Variants in LRRC7 observed in about 807,000 individuals in gnomAD.
LRRC7 encodes leucine rich repeat containing 7, also known as leucine-rich repeat-containing protein 7.
A neutral mutation model predicts 175.7 loss-of-function variants in LRRC7; 23 were observed. The ratio of observed to expected loss-of-function variants is 0.13; its 90% CI spans 0.09 to 0.19. The LOEUF (loss-of-function observed/expected upper bound fraction) is 0.19, where lower values mean the gene tolerates loss of function less well. Ranked by LOEUF, LRRC7 falls within the 10% of genes least tolerant of loss-of-function variation. The pLI is 1.00. For missense variants in LRRC7, 1,354 were observed against 1,904.7 expected (o/e 0.71, Z 5.38); for synonymous variants, 685 against 680.9 (o/e 1.01, Z -0.09).
chr1:69,630,687 A>T (rs17324599), intron 1 of LRRC7, among the ~76,000 whole-genome samples: 19,494 of 151,900 alleles, frequency 0.13, 1,599 homozygotes, highest in South Asian at 0.19. Context: ...TTTCTATTAG[A>T]TGCCTATTTT....
chr1:69,756,519 G>A (rs559988021), intron 2 of LRRC7, among the ~76,000 whole-genome samples: 66 of 151,788 alleles, frequency 4.3e-4, no homozygotes, highest in Non-Finnish European at 7.8e-4. Context: ...CTTTCCGGTG[G>A]AGAAAAATGT....
In LRRC7 at chr1:70,143,070, TTC is replaced by T. The variant is rs568045423; in HGVS notation, c.*21185_*21186del. The T allele has an allele frequency of 2.6e-4, 39 of 152,218 alleles. No homozygotes were observed. The highest frequency in any genetic ancestry group is 6.5e-4 in the Admixed American group (10 of 15,286). The allele number at this position is 152,218 out of a possible 1,614,324, so 9.4% of individuals were successfully genotyped here. On this transcript the variant is annotated 3_prime_UTR_variant, in exon 27 of 27. Transcript: ENST00000651989. Reference sequence around the variant, plus strand: ...TATGCCAAACACACACACATAAATTTTCTTTTTCTCATTTCAGCTCATATAAT... The same window carrying T: ...TATGCCAAACACACACACATAAATTTTTTTTCTCATTTCAGCTCATATAAT...
intron 1 of LRRC7, among the ~76,000 whole-genome samples, chr1:69,645,256 TC>T (rs1654843502): frequency 6.6e-6 from 1 of 152,070 alleles, no homozygotes; most frequent in Admixed American, 6.6e-5. Flanking sequence ...ACTGACAAAT[TC>T]TAAATATGCA....
intron 11 of LRRC7, among the ~76,000 whole-genome samples, chr1:70,001,297 A>T (rs1220663931): frequency 6.6e-6 from 1 of 152,186 alleles, no homozygotes; most frequent in African/African-American, 2.4e-5. Flanking sequence ...CATATTTAGA[A>T]CTGTCATGCA....
chr1:69,648,679 G>A (rs800926), intron 1 of LRRC7, among the ~76,000 whole-genome samples: 4,045 of 152,278 alleles, frequency 0.027, 70 homozygotes, highest in South Asian at 0.049. Context: ...TCAGAAACAT[G>A]CCTCTTCCTG....
At chr1:69,996,875 A>T (rs926535456) in intron 11 of LRRC7, among the ~76,000 whole-genome samples, 26 of 152,102 alleles carry the variant, frequency 1.7e-4, no homozygotes, top group African/African-American at 6.0e-4. Context: ...TTGACTTGGC[A>T]ATGCGGGCTC....
At chr1:69,859,262 G>C (rs1684094945) in intron 7 of LRRC7, among the ~76,000 whole-genome samples, 1 of 152,024 alleles carries the variant, frequency 6.6e-6, no homozygotes, top group African/African-American at 2.4e-5. Flanking sequence ...AGAATTGAGA[G>C]TCTTGATTTT....
chr1:69,994,104 T>G (rs1654703528), intron 10 of LRRC7, among the ~76,000 whole-genome samples: 2 of 152,192 alleles, frequency 1.3e-5, no homozygotes, highest in Admixed American at 1.3e-4. Flanking sequence ...ACCGCTGCAT[T>G]GCAATACTTC....
intron 8 of LRRC7, among the ~76,000 whole-genome samples, chr1:69,935,743 C>A (rs1325310816): frequency 6.6e-6 from 1 of 152,044 alleles, no homozygotes; most frequent in African/African-American, 2.4e-5. Flanking sequence ...GTAGGTACTA[C>A]AATTATTTCT....
At chr1:69,797,616 A>T (rs1048419983) in intron 4 of LRRC7, among the ~76,000 whole-genome samples, 2 of 151,988 alleles carry the variant, frequency 1.3e-5, no homozygotes, top group African/African-American at 4.8e-5. Context: ...TACTGTTCCC[A>T]TTGTTACATT....
chr1:70,126,671 A>T lies in LRRC7; in HGVS notation c.*4784A>T, dbSNP rs1666467922. 6.6e-6 allele frequency among the ~76,000 whole-genome samples: 1 copy of T among 152,208 alleles called. No individual in the cohort carries two copies. Among genetic ancestry groups the T allele is most frequent in the Non-Finnish European group, 1.5e-5 (1 of 68,034 alleles). ...CAGAATGTGGGCTGTGGACAAATAG[A>T]TGTGCGCTATGTATAGAAAGCATGT... On this transcript the variant is annotated 3_prime_UTR_variant, in exon 27 of 27. Transcript: ENST00000651989.
chr1:69,656,659 C>T (rs1184140031), intron 1 of LRRC7, among the ~76,000 whole-genome samples: 2 of 151,932 alleles, frequency 1.3e-5, no homozygotes, highest in Admixed American at 6.6e-5. Context: ...ATTTAACATT[C>T]GTCAAATGGA....
chr1:70,038,166 G>C lies in LRRC7; in HGVS notation c.2342G>C (p.Arg781Pro), dbSNP rs201295016. The C allele has an allele frequency of 1.2e-6, 2 of 1,613,786 alleles. No individual in the cohort carries two copies. The highest frequency in any genetic ancestry group is 1.7e-6 in the Non-Finnish European group (2 of 1,179,892). ...PLDSKPLLSQ[R>P]EAVPPGNIPQ... ...GATTCAAAGCCATTACTCAGCCAGC[G>C]GGAGGCTGTTCCCCCAGGCAATATA... The change falls in exon 21 of 27, where the codon CGG becomes CCG. Residue 781 changes from arginine to proline, a missense_variant. By Grantham distance (103) the Arg-to-Pro change is moderately radical. This residue lies in a region of LRRC7 where 1,032 missense variants were observed against 1,227.2 expected (regional missense o/e 0.84). Transcript: ENST00000651989.
intron 7 of LRRC7, among the ~76,000 whole-genome samples, chr1:69,855,804 G>A (rs913011624): frequency 2.6e-5 from 4 of 152,142 alleles, no homozygotes; most frequent in Non-Finnish European, 4.4e-5. Context: ...ATGAATCTGG[G>A]TGCTCCTGTA....
At chr1:69,574,012 A>C (rs1645843573) in intron 1 of LRRC7, among the ~76,000 whole-genome samples, 1 of 152,166 alleles carries the variant, frequency 6.6e-6, no homozygotes, top group Admixed American at 6.5e-5. Context: ...AGTAAGGTTG[A>C]AAGCATACTT....
chr1:69,959,394 A>G (rs558202373), intron 8 of LRRC7, among the ~76,000 whole-genome samples: 214 of 152,210 alleles, frequency 1.4e-3, no homozygotes, highest in African/African-American at 5.0e-3. Context: ...ATATATCAAT[A>G]ACTGTGGCAG....
chr1:69,702,192 C>T (rs958226694), intron 2 of LRRC7, among the ~76,000 whole-genome samples: 6 of 152,150 alleles, frequency 3.9e-5, no homozygotes, highest in African/African-American at 1.4e-4. Flanking sequence ...CCTATCTGCT[C>T]GTGGGTCATC....
chr1:69,733,092 G>A (rs557388821), intron 2 of LRRC7, among the ~76,000 whole-genome samples: 1 of 152,016 alleles, frequency 6.6e-6, no homozygotes, highest in Non-Finnish European at 1.5e-5. Flanking sequence ...TTTAGAGTTA[G>A]AGAATCACAA....
At chr1:69,724,924 C>T (rs1169172454) in intron 2 of LRRC7, among the ~76,000 whole-genome samples, 1 of 151,904 alleles carries the variant, frequency 6.6e-6, no homozygotes, top group Non-Finnish European at 1.5e-5. Flanking sequence ...GTGTGATAAG[C>T]TTATACTATT....
Sources: allele counts gnomAD v4.1 joint callset (sites outside exome capture counted in the v4.1 genomes callset), GRCh38; gene constraint gnomAD v4.1.1; regional missense constraint gnomAD v4.1.1; transcripts MANE v1.5; gene names NCBI Gene and HGNC (gene_info 2026-07-23, HGNC 2026-07-21).